The following P3H1 variants were observed in gnomAD, a reference collection of about 807,000 sequenced individuals.
P3H1 encodes prolyl 3-hydroxylase 1.
Under a neutral mutation model 84.0 loss-of-function variants are expected in P3H1, and 69 were observed. That is an observed-to-expected ratio of 0.82 (90% confidence interval 0.68 to 1.00). The LOEUF (loss-of-function observed/expected upper bound fraction) is 1.00. Ranked by LOEUF, P3H1 falls within the 50% of genes least tolerant of loss-of-function variation. P3H1 has a pLI of 0.00. For synonymous variants in P3H1, 366 were observed against 388.8 expected (o/e 0.94, Z 0.69); for missense variants, 878 against 962.8 (o/e 0.91, Z 1.17).
At chr1:42,757,735 A>T (rs766636096) in intron 5 of P3H1, 48 bp downstream of exon 5, 1 of 1,614,006 alleles carries the variant, frequency 6.2e-7, no homozygotes, top group East Asian at 2.2e-5. Flanking sequence ...TTCCGCCCTC[A>T]GGTCTGAGTT....
Position 42,757,860 on chromosome 1 carries a change from C to T in P3H1, c.1003G>A (p.Glu335Lys), listed in dbSNP as rs941343754. 2.5e-6 allele frequency: 4 copies of T among 1,614,176 alleles called. No homozygotes were observed. Among genetic ancestry groups the T allele is most frequent in the Non-Finnish European group, 3.4e-6 (4 of 1,180,020 alleles). Residue 335 changes from glutamate (E) to lysine (K), a missense_variant, in exon 5 of 15, where the codon GAG (glutamate) becomes AAG (lysine). By Grantham distance (56) the Glu-to-Lys change is moderately conservative (BLOSUM62 1). Transcript: ENST00000296388. ...KTYLLFFPND[E>K]VMNQNLAYYA... ...TAGGCCAAATTTTGGTTCATCACCT[C>T]GTCATTGGGGAAGAAGAGAAGATAG...
In P3H1 at chr1:42,759,437, C is replaced by A. The variant is rs72956934; in HGVS notation, c.619-47G>T. On this transcript the variant is annotated intron_variant, in intron 2 of 14. Transcript: ENST00000296388. ...CAAATGCAGGCCACAGAGGAGGAAC[C>A]CTCTCTCCTTGCCCTCAGCCACCTT... 1,732 of 1,571,538 alleles carry A rather than the reference C, an allele frequency of 1.1e-3. 22 individuals carry two copies. The African/African-American group carries it at 0.022, about 20-fold the overall frequency.
intron 9 of P3H1, 82 bp downstream of exon 9, chr1:42,752,454 AG>A: frequency 6.2e-7 from 1 of 1,610,914 alleles, no homozygotes; most frequent in African/African-American, 1.3e-5. Flanking sequence ...AGGAAGAGGA[AG>A]GCGAAGGCTA....
Position 42,746,476 on chromosome 1 carries a change from G to C in P3H1, c.*221C>G, listed in dbSNP as rs1651713185. 3 of 590,014 alleles carry C rather than the reference G, an allele frequency of 5.1e-6. No individual in the cohort carries two copies. Among genetic ancestry groups the C allele is most frequent in the Non-Finnish European group, 6.0e-6 (2 of 331,484 alleles). 36.5% of individuals were successfully genotyped at this position (590,014 alleles called of 1,614,324 possible). ...CTGTGGAGGCCCCTGGGGGTGGCTG[G>C]GCCTGTGTCCTGAGCCCTCAGCCAG... On this transcript the variant is annotated 3_prime_UTR_variant, in exon 15 of 15. Transcript: ENST00000296388.
At position 42,747,395 on chromosome 1, in the gene P3H1, C is replaced by T. The variant is rs1229493765; in HGVS notation, c.1932G>A (p.Gln644=). ...AAGAGAATCCCACGGCTCTTCCACA[C>T]TGAGGCTGCACCTCTGCCTAAGGGG... The part of the protein sequence containing the change: ...AKTVTAEVQP[Q]CGRAVGFSSG... Residue 644 remains glutamine (Q), a synonymous_variant, in exon 14 of 15, where the codon CAG becomes CAA. Transcript: ENST00000296388. The T allele has an allele frequency of 1.2e-6, 2 of 1,611,310 alleles. No homozygotes were observed. The highest frequency in any genetic ancestry group is 1.7e-4 in the Middle Eastern group (1 of 6,046).
chr1:42,757,801 T>A lies in P3H1; in HGVS notation c.1062A>T (p.Arg354Ser). Residue 354 changes from arginine to serine, a missense_variant, in exon 5 of 15, where the codon AGA becomes AGT. Arg to Ser is a moderately radical substitution (Grantham distance 110, BLOSUM62 -1). Coordinates refer to ENST00000296388, the MANE Select transcript of P3H1 (RefSeq NM_022356.4). ...YAAMLGEEHT[R>S]SIGPRESAKE... ...CTCTCACCTCACGGGGGCCGATGGA[T>A]CTGGTGTGTTCTTCTCCAAGCATAG... 6.2e-7 allele frequency: 1 copy of A among 1,614,220 alleles called. No homozygotes were observed. Among genetic ancestry groups the A allele is most frequent in the Non-Finnish European group, 8.5e-7 (1 of 1,180,036 alleles).
chr1:42,762,621 C>T (rs1652781839), intron 1 of P3H1, 146 bp from the exon 2 acceptor site: 3 of 822,226 alleles, frequency 3.6e-6, no homozygotes, highest in Non-Finnish European at 6.1e-6. Context: ...CCCCAGGAAG[C>T]ACACCTATTG....
intron 1 of P3H1, among the ~76,000 whole-genome samples, chr1:42,766,172 C>T (rs990316765): frequency 2.0e-5 from 3 of 152,212 alleles, no homozygotes; most frequent in Non-Finnish European, 4.4e-5. Context: ...GCTTCTCACT[C>T]GGACACTTAC....
chr1:42,749,575 G>A (rs1282299079), intron 11 of P3H1, among the ~76,000 whole-genome samples: 3 of 152,200 alleles, frequency 2.0e-5, no homozygotes, highest in African/African-American at 7.2e-5. Context: ...CTATGGTTGA[G>A]CTAAAGGATA....
intron 5 of P3H1, among the ~76,000 whole-genome samples, chr1:42,756,056 A>G (rs1652386686): frequency 6.6e-6 from 1 of 152,212 alleles, no homozygotes; most frequent in Non-Finnish European, 1.5e-5. Flanking sequence ...TTGATCTTTT[A>G]TAGCCACATC....
chr1:42,754,996 A>G lies in P3H1; in HGVS notation c.1224-6T>C, dbSNP rs1213462277. 6.2e-7 allele frequency: 1 copy of G among 1,614,108 alleles called. No individual in the cohort carries two copies. The highest frequency in any genetic ancestry group is 1.7e-5 in the Admixed American group (1 of 60,024). ...CGGCTGTTTCCCGTTCTGACCTATG[A>G]GCACAGCCGCTCTGAGGACTGCATT... is the stretch of plus-strand genomic sequence containing the variant. On this transcript the variant is annotated splice_region_variant and splice_polypyrimidine_tract_variant and intron_variant, in intron 7 of 14. Transcript: ENST00000296388. This position sits in a 1 kb window ranked among gnomAD's most constrained non-coding sequence, Gnocchi z 4.0.
chr1:42,752,539 T>C lies in P3H1; in HGVS notation c.1471A>G (p.Asn491Asp), dbSNP rs778234470. The change falls in exon 9 of 15, where the codon AAT becomes GAT. Residue 491 changes from asparagine to aspartate, a missense_variant and splice_region_variant. Physicochemically the swap from Asn to Asp is conservative, Grantham distance 23. Coordinates refer to ENST00000296388, the MANE Select transcript of P3H1 (RefSeq NM_022356.4). The part of the protein sequence containing the change: ...HECQELQRLT[N>D]VAATSGDGYR... ...TGCAGTCACTGGGCTTCCCTTACAT[T>C]GGTCAGTCTCTGCAGCTCCTGACAC... 3.1e-6 allele frequency: 5 copies of C among 1,614,112 alleles called. No individual in the cohort carries two copies. The highest frequency in any genetic ancestry group is 2.5e-6 in the Non-Finnish European group (3 of 1,180,004).
chr1:42,759,574 G>A (rs1378209394), intron 2 of P3H1, among the ~76,000 whole-genome samples, 184 bp from the exon 3 acceptor site: 3 of 152,100 alleles, frequency 2.0e-5, no homozygotes, highest in Non-Finnish European at 4.4e-5. Context: ...ATTTAGCTCT[G>A]GAAATTTAAA....
At position 42,766,452 on chromosome 1, in the gene P3H1, C is replaced by A. The variant is rs1487772396; in HGVS notation, c.465+55G>T. 2.0e-6 allele frequency: 3 copies of A among 1,474,534 alleles called. No homozygotes were observed. In the African/African-American group the frequency reaches 4.2e-5, roughly 21 times the overall value. 91.3% of individuals were successfully genotyped at this position (1,474,534 alleles called of 1,614,324 possible). A position where few individuals can be genotyped will look rare whatever the true frequency, so the allele number is the denominator to read the frequency against. ...TCCCCCAAGCTCCTCAGGTCCCCTG[C>A]AACACTCCTCTCCCCAGAAGGACCC... On this transcript the variant is annotated intron_variant, in intron 1 of 14. Coordinates refer to ENST00000296388, the MANE Select transcript of P3H1 (RefSeq NM_022356.4).
Position 42,755,145 on chromosome 1 carries a change from A to G in P3H1, c.1223+20T>C. Reference sequence around the variant, plus strand: ...CTTCATCAGACTGATCCAACCATGCAGTTTCTTCAAGGTCCTCACTTCTGT... The same window carrying G: ...CTTCATCAGACTGATCCAACCATGCGGTTTCTTCAAGGTCCTCACTTCTGT... On this transcript the variant is annotated intron_variant, in intron 7 of 14. Transcript: ENST00000296388. 6.2e-7 allele frequency: 1 copy of G among 1,613,882 alleles called. No homozygotes were observed. Among genetic ancestry groups the G allele is most frequent in the Non-Finnish European group, 8.5e-7 (1 of 1,179,736 alleles).
intron 2 of P3H1, chr1:42,761,676 A>G (rs1168975721): frequency 6.6e-6 from 1 of 152,532 alleles, no homozygotes; most frequent in Non-Finnish European, 1.5e-5. Context: ...GCTTGAGGCC[A>G]GGAGTTTGAA....
At chr1:42,766,469 G>A (rs1275128025) in intron 1 of P3H1, 38 bp downstream of exon 1, 3 of 1,543,848 alleles carry the variant, frequency 1.9e-6, no homozygotes. Context: ...CCTCTCCCCA[G>A]AAGGACCCCG....
chr1:42,766,326 T>C (rs1272292585), intron 1 of P3H1, among the ~76,000 whole-genome samples, 181 bp downstream of exon 1: 1 of 152,154 alleles, frequency 6.6e-6, no homozygotes, highest in African/African-American at 2.4e-5. Flanking sequence ...CCATGCGAAC[T>C]GGGCGAGGAA....
chr1:42,748,913 G>A (rs980706237), intron 11 of P3H1, among the ~76,000 whole-genome samples: 25 of 152,326 alleles, frequency 1.6e-4, no homozygotes, highest in African/African-American at 5.8e-4. Context: ...GCACCGTCAC[G>A]TCGTGGTGGG....
Sources: gnomAD v4.1 joint callset for allele counts (sites outside exome capture counted in the v4.1 genomes callset) on GRCh38, gnomAD v4.1.1 for gene constraint, Gnocchi (gnomAD v3.1) non-coding constraint, MANE v1.5 for transcripts, NCBI Gene and HGNC (gene_info 2026-07-23, HGNC 2026-07-21) for gene names.